Variants in CYP7B1 observed in about 807,000 individuals in gnomAD.
CYP7B1 encodes cytochrome P450 family 7 subfamily B member 1, also known as cytochrome P450 7B1.
CYP7B1 carries 29 observed loss-of-function variants against 42.7 expected under a neutral mutation model. That is an observed-to-expected ratio of 0.68 (90% confidence interval 0.51 to 0.93). The LOEUF (loss-of-function observed/expected upper bound fraction) is 0.93. Ranked by LOEUF, CYP7B1 falls within the 40% of genes least tolerant of loss-of-function variation. The pLI, the probability that CYP7B1 is intolerant of heterozygous loss-of-function variation, is 0.00. For missense variants in CYP7B1, 655 were observed against 600.5 expected, an observed-to-expected ratio of 1.09 and a Z score of -0.95; for synonymous variants, 235 against 218.2, an observed-to-expected ratio of 1.08 and a Z score of -0.68.
intron 1 of CYP7B1, among the ~76,000 whole-genome samples, chr8:64,795,254 T>A (rs1268957392): frequency 6.6e-6 from 1 of 152,264 alleles, no homozygotes; most frequent in East Asian, 1.9e-4. Flanking sequence ...CCCATTTATA[T>A]GAAGTTTGAG....
chr8:64,674,188 A>C (rs1364383138), intron 1 of CYP7B1, among the ~76,000 whole-genome samples: 1 of 152,150 alleles, frequency 6.6e-6, no homozygotes. Flanking sequence ...TAATTAAAGC[A>C]ATGGAATTTT....
chr8:64,735,482 G>A (rs1807473509), intron 1 of CYP7B1, among the ~76,000 whole-genome samples: 1 of 152,130 alleles, frequency 6.6e-6, no homozygotes, highest in African/African-American at 2.4e-5. Flanking sequence ...TGTTAGGTGT[G>A]CTTTTCCTGG....
intron 1 of CYP7B1, among the ~76,000 whole-genome samples, chr8:64,796,495 G>T (rs1228922251): frequency 6.6e-6 from 1 of 152,194 alleles, no homozygotes; most frequent in Non-Finnish European, 1.5e-5. Context: ...AGAATGTGGA[G>T]AAATTGGCAC....
chr8:64,704,356 T>C (rs1220429087), intron 1 of CYP7B1, among the ~76,000 whole-genome samples: 1 of 152,074 alleles, frequency 6.6e-6, no homozygotes, highest in Non-Finnish European at 1.5e-5. Flanking sequence ...ATGAATAATG[T>C]CTATAAATTC....
At chr8:64,661,799 G>A (rs1293535342) in intron 1 of CYP7B1, among the ~76,000 whole-genome samples, 6 of 152,096 alleles carry the variant, frequency 3.9e-5, no homozygotes, top group African/African-American at 1.2e-4. Context: ...GGACATTCAC[G>A]GAATGTGGAC....
At chr8:64,663,267 G>C (rs201623993) in intron 1 of CYP7B1, among the ~76,000 whole-genome samples, 1 of 152,152 alleles carries the variant, frequency 6.6e-6, no homozygotes, top group East Asian at 1.9e-4. Context: ...ATCATATATT[G>C]ATTCATTTTG....
chr8:64,656,354 G>T (rs527602603), intron 1 of CYP7B1, among the ~76,000 whole-genome samples: 1 of 152,188 alleles, frequency 6.6e-6, no homozygotes, highest in Non-Finnish European at 1.5e-5. Context: ...AATGTCATGG[G>T]GGGTAGAGAT....
At position 64,798,492 on chromosome 8, in the gene CYP7B1, G is replaced by C. The variant is rs1277728966; in HGVS notation, c.96C>G (p.Ala32=). The change falls in exon 1 of 6, where the codon GCC becomes GCG. Residue 32 remains alanine (A), a synonymous_variant. Transcript: ENST00000310193. ...TGGTGCGCCGGACAAGCAAGCAGAG[G>C]GCCAGGAGCAGCAGGGCCGCGGCGA... ...LALAAALLLL[A]LCLLVRRTRR... is the part of the protein sequence containing the mutation. The C allele has an allele frequency of 6.6e-7, 1 of 1,512,822 alleles. No individual in the cohort carries two copies. Among genetic ancestry groups the C allele is most frequent in the Non-Finnish European group, 8.8e-7 (1 of 1,139,118 alleles). The allele number at this position is 1,512,822 out of a possible 1,614,324, so 93.7% of individuals were successfully genotyped here. A position where few individuals can be genotyped will look rare whatever the true frequency, so the allele number is the denominator to read the frequency against.
chr8:64,765,651 G>A (rs913428241), intron 1 of CYP7B1, among the ~76,000 whole-genome samples: 1 of 152,190 alleles, frequency 6.6e-6, no homozygotes, highest in Non-Finnish European at 1.5e-5. Flanking sequence ...AGGTCCATGG[G>A]TGGTTACGCA....
In CYP7B1 at chr8:64,740,381, A is replaced by G. The variant is rs142829935; in HGVS notation, c.122+58085T>C. ...TATTTACATATTATGTTTATGATAT[A>G]ACTGCATAAATTATAAAAGAAGATC... is the stretch of plus-strand genomic sequence containing the variant. On this transcript the variant is annotated intron_variant, in intron 1 of 5. Transcript: ENST00000310193. 7.6e-3 allele frequency among the ~76,000 whole-genome samples: 1,154 copies of G among 152,090 alleles called. 14 individuals carry two copies. Among genetic ancestry groups the G allele is most frequent in the African/African-American group, 0.026 (1,097 of 41,522 alleles).
chr8:64,629,953 G>A (rs775267364), intron 1 of CYP7B1, among the ~76,000 whole-genome samples: 1 of 152,140 alleles, frequency 6.6e-6, no homozygotes, highest in African/African-American at 2.4e-5. Flanking sequence ...GGCCTGGTGG[G>A]GACAAGGAAG....
intron 1 of CYP7B1, among the ~76,000 whole-genome samples, chr8:64,717,526 C>A (rs1052845729): frequency 6.6e-6 from 1 of 152,100 alleles, no homozygotes; most frequent in African/African-American, 2.4e-5. Context: ...GCCATAACAG[C>A]CCACCATGTC....
At chr8:64,648,850 C>T (rs1272987914) in intron 1 of CYP7B1, among the ~76,000 whole-genome samples, 1 of 152,106 alleles carries the variant, frequency 6.6e-6, no homozygotes. Context: ...AATCTACGGT[C>T]TAGAATCAAT....
chr8:64,784,707 G>A (rs1804492710), intron 1 of CYP7B1, among the ~76,000 whole-genome samples: 1 of 152,130 alleles, frequency 6.6e-6, no homozygotes, highest in Non-Finnish European at 1.5e-5. Flanking sequence ...TCAGAATAAT[G>A]TGCAAATATA....
chr8:64,600,195 A>T (rs1045417986), intron 5 of CYP7B1, among the ~76,000 whole-genome samples: 1 of 152,264 alleles, frequency 6.6e-6, no homozygotes, highest in African/African-American at 2.4e-5. Flanking sequence ...ATATTGAAGC[A>T]CTAGAAATCA....
At chr8:64,674,912 GC>G (rs1319517252) in intron 1 of CYP7B1, among the ~76,000 whole-genome samples, 1 of 151,898 alleles carries the variant, frequency 6.6e-6, no homozygotes, top group Non-Finnish European at 1.5e-5. Context: ...CAAAGTTATT[GC>G]ACAATGATCA....
intron 4 of CYP7B1, among the ~76,000 whole-genome samples, chr8:64,611,248 G>C (rs192155146): frequency 6.6e-6 from 1 of 152,094 alleles, no homozygotes; most frequent in Non-Finnish European, 1.5e-5. Flanking sequence ...CTGAGTTAAA[G>C]ACCTGCCTTT....
intron 1 of CYP7B1, among the ~76,000 whole-genome samples, chr8:64,720,928 C>CT (rs200999357): frequency 0.036 from 5,494 of 151,796 alleles, 164 homozygotes; most frequent in Middle Eastern, 0.071. Context: ...CTAACAAAGG[C>CT]TTTTTTTCTT....
rs532822567 is a variant in CYP7B1 at position 64,651,830 on chromosome 8, T to C, written c.123-27291A>G. 1.7e-3 allele frequency among the ~76,000 whole-genome samples: 259 copies of C among 152,272 alleles called. 1 individual carries two copies. Among genetic ancestry groups the C allele is most frequent in the African/African-American group, 5.8e-3 (243 of 41,546 alleles). ...GCCTCCAGAACTAAGAGAAATAAAT[T>C]TGTGGCTTATAAGTCACCCAGTCTA... On this transcript the variant is annotated intron_variant, in intron 1 of 5. Coordinates refer to ENST00000310193, the MANE Select transcript of CYP7B1 (RefSeq NM_004820.5).
Sources: gnomAD v4.1 joint callset for allele counts (sites outside exome capture counted in the v4.1 genomes callset) on GRCh38, gnomAD v4.1.1 for gene constraint, MANE v1.5 for transcripts, NCBI Gene and HGNC (gene_info 2026-07-23, HGNC 2026-07-21) for gene names.